The following ZNF638 variants were observed in gnomAD, a reference collection of about 807,000 sequenced individuals.
The protein encoded by ZNF638 is zinc finger protein 638.
In ZNF638, 46 loss-of-function variants were observed where a neutral mutation model predicts 195.6. That is an observed-to-expected ratio of 0.24 (90% CI 0.19 to 0.30). The LOEUF (loss-of-function observed/expected upper bound fraction) is 0.30. ZNF638 is among the 10% of genes least tolerant of loss of function. The pLI is 1.00. For synonymous variants in ZNF638, 845 were observed against 772.0 expected, an observed-to-expected ratio of 1.09 and a Z score of -1.57; for missense variants, 2,440 against 2,325.3, an observed-to-expected ratio of 1.05 and a Z score of -1.01.
At chr2:71,358,580 C>T (rs765272362) in intron 3 of ZNF638, among the ~76,000 whole-genome samples, 2 of 152,324 alleles carry the variant, frequency 1.3e-5, no homozygotes, top group African/African-American at 2.4e-5. Context: ...AGGGTTCTTT[C>T]GTTACACAGG....
chr2:71,418,926 C>G, intron 21 of ZNF638, among the ~76,000 whole-genome samples: 1 of 152,122 alleles, frequency 6.6e-6, no homozygotes, highest in East Asian at 1.9e-4. Context: ...TTTTAAGACT[C>G]TCGAATAACT....
At chr2:71,356,053 G>T (rs1427478293) in intron 3 of ZNF638, among the ~76,000 whole-genome samples, 1 of 152,096 alleles carries the variant, frequency 6.6e-6, no homozygotes, top group African/African-American at 2.4e-5. Flanking sequence ...CCTTCCCCAG[G>T]ATCTTTTATC....
At chr2:71,378,781 G>A (rs2079482449) in intron 8 of ZNF638, among the ~76,000 whole-genome samples, 1 of 152,154 alleles carries the variant, frequency 6.6e-6, no homozygotes, top group Non-Finnish European at 1.5e-5. Context: ...ATTTGAAGAA[G>A]ATGAGGGAAC....
Position 71,417,084 on chromosome 2 carries a change from C to T in ZNF638, c.3262-1518C>T, listed in dbSNP as rs1194909239. On this transcript the variant is annotated intron_variant, in intron 20 of 27. Coordinates refer to ENST00000264447, the MANE Select transcript of ZNF638 (RefSeq NM_014497.5). ...GGCGCCCCTCCCCCAGCCTCGTTGC[C>T]GCCTTGCAGTTTGATCTCAGAGTGC... Among the ~76,000 whole-genome samples the T allele has an allele frequency of 2.8e-3, 349 of 126,070 alleles. 3 individuals are homozygous for T. The highest frequency in any genetic ancestry group is 0.01 in the African/African-American group (335 of 32,720). 82.7% of individuals were successfully genotyped at this position (126,070 alleles called of 152,430 possible). A position where few individuals can be genotyped will look rare whatever the true frequency, so the allele number is the denominator to read the frequency against.
chr2:71,426,885 A>G lies in ZNF638; in HGVS notation c.5016A>G (p.Gln1672=), dbSNP rs1024613461. The G allele has an allele frequency of 6.2e-7, 1 of 1,614,206 alleles. No homozygotes were observed. Among genetic ancestry groups the G allele is most frequent in the Non-Finnish European group, 8.5e-7 (1 of 1,180,026 alleles). The change falls in exon 24 of 28, where the codon CAA becomes CAG. Residue 1672 remains glutamine, a synonymous_variant. Transcript: ENST00000264447. The stretch of plus-strand genomic sequence containing the variant: ...CTGTTCTGTCAGTGGCTGAAGAACA[A>G]GATCTCCTCAAACAGGAACGCTTGG... ...DVTVLSVAEE[Q]DLLKQERLVT... is the part of the protein sequence containing the mutation.
rs1171247553 is a variant in ZNF638 at position 71,395,406 on chromosome 2, A to G, written c.2378-735A>G. Reference sequence around the variant, plus strand: ...GGAAAAGTTATAAGGAGAGACGCAAACCTTCTTGGAAGTCCAGGAGGTTTT... The same window carrying G: ...GGAAAAGTTATAAGGAGAGACGCAAGCCTTCTTGGAAGTCCAGGAGGTTTT... On this transcript the variant is annotated intron_variant, in intron 10 of 27. Transcript: ENST00000264447. 3.2e-5 allele frequency: 21 copies of G among 661,018 alleles called. No homozygotes were observed. In the East Asian group the frequency reaches 5.5e-4, roughly 17 times the overall value. The allele number at this position is 661,018 out of a possible 1,614,324, so 40.9% of individuals were successfully genotyped here.
In ZNF638 at chr2:71,373,173, A is replaced by G. The variant is rs1190105917; in HGVS notation, c.2265+3168A>G. 4.6e-5 allele frequency among the ~76,000 whole-genome samples: 7 copies of G among 152,178 alleles called. No homozygotes were observed. The South Asian group carries it at 6.2e-4, about 14-fold the overall frequency. On this transcript the variant is annotated intron_variant, in intron 8 of 27. Coordinates refer to ENST00000264447, the MANE Select transcript of ZNF638 (RefSeq NM_014497.5). ...ATTTCTTCAGCTTTAAAAATTCGTT[A>G]TATAGAAAATGATATCTAGTTTTAA...
intron 1 of ZNF638, among the ~76,000 whole-genome samples, chr2:71,345,986 C>T (rs542564735): frequency 6.6e-5 from 10 of 152,154 alleles, no homozygotes; most frequent in East Asian, 1.9e-4. Flanking sequence ...TAAATGTGTA[C>T]TTGAATCATT....
intron 26 of ZNF638, among the ~76,000 whole-genome samples, chr2:71,432,942 C>T (rs2080696172): frequency 6.6e-6 from 1 of 152,162 alleles, no homozygotes; most frequent in Non-Finnish European, 1.5e-5. Context: ...ACAAAAGTAG[C>T]CAGGCGCGGT....
intron 8 of ZNF638, among the ~76,000 whole-genome samples, chr2:71,373,498 G>A (rs2079357538): frequency 7.7e-6 from 1 of 129,804 alleles, no homozygotes; most frequent in African/African-American, 3.0e-5. Flanking sequence ...AGGCTGGAGT[G>A]CAGTGGCACC....
At chr2:71,419,608 T>G (rs913265781) in intron 21 of ZNF638, among the ~76,000 whole-genome samples, 6 of 152,192 alleles carry the variant, frequency 3.9e-5, no homozygotes, top group African/African-American at 1.4e-4. Flanking sequence ...TTATTTAAGT[T>G]GTATGTCATA....
intron 19 of ZNF638, chr2:71,407,393 T>G (rs1007933185): frequency 6.6e-6 from 1 of 152,248 alleles, no homozygotes; most frequent in Non-Finnish European, 1.5e-5. Flanking sequence ...TTGCCTTGGC[T>G]TTACAACATT....
chr2:71,381,296 A>G (rs2079530516), intron 10 of ZNF638, among the ~76,000 whole-genome samples: 1 of 152,142 alleles, frequency 6.6e-6, no homozygotes, highest in African/African-American at 2.4e-5. Flanking sequence ...TGGTTTTTCT[A>G]ACTGGAATGA....
intron 17 of ZNF638, among the ~76,000 whole-genome samples, chr2:71,404,604 C>T (rs1238459605): frequency 6.6e-6 from 1 of 152,148 alleles, no homozygotes; most frequent in Non-Finnish European, 1.5e-5. Context: ...GTGGTCCCAG[C>T]TCCTCAGGAT....
At chr2:71,346,175 T>C (rs1173637346) in intron 1 of ZNF638, among the ~76,000 whole-genome samples, 1 of 152,216 alleles carries the variant, frequency 6.6e-6, no homozygotes, top group Non-Finnish European at 1.5e-5. Context: ...TTGAAAGAGC[T>C]TGTGCTTATG....
At chr2:71,418,498 G>GTTTT (rs72207075) in intron 20 of ZNF638, 104 bp from the exon 21 acceptor site, 159 of 640,514 alleles carry the variant, frequency 2.5e-4, no homozygotes, top group Admixed American at 2.4e-4. Context: ...CATTTTTAAG[G>GTTTT]TTTTTTTTTT....
At chr2:71,409,807 TTA>T (rs1229455949) in intron 20 of ZNF638, among the ~76,000 whole-genome samples, 4 of 152,218 alleles carry the variant, frequency 2.6e-5, no homozygotes, top group African/African-American at 9.6e-5. Flanking sequence ...TGTCGACCAA[TTA>T]TATACACCTT....
In ZNF638 at chr2:71,426,815, T is replaced by C; in HGVS notation, c.4946T>C (p.Ile1649Thr). 6.2e-7 allele frequency: 1 copy of C among 1,613,224 alleles called. No individual in the cohort carries two copies. Among genetic ancestry groups the C allele is most frequent in the Non-Finnish European group, 8.5e-7 (1 of 1,179,490 alleles). ...TCACTTTTTACATTAGATGAATTAA[T>C]TGACCAAGATGATTGCATTTCCCAC... Reference protein sequence around the residue: ...SNSLFTLDELIDQDDCISHSE... With the variant: ...SNSLFTLDELTDQDDCISHSE... Residue 1649 changes from isoleucine to threonine, a missense_variant, in exon 24 of 28, where the codon ATT (isoleucine) becomes ACT (threonine). This residue lies in a region of ZNF638 where 1,883 missense variants were observed against 1,739.1 expected (regional missense o/e 1.08). Coordinates refer to ENST00000264447, the MANE Select transcript of ZNF638 (RefSeq NM_014497.5).
chr2:71,408,094 AT>A, intron 19 of ZNF638, 27 bp from the exon 20 acceptor site: 1 of 1,597,580 alleles, frequency 6.3e-7, no homozygotes, highest in Non-Finnish European at 8.5e-7. Context: ...TTAAAGAACT[AT>A]TCATAACTTT....
Sources: allele counts gnomAD v4.1 joint callset (sites outside exome capture counted in the v4.1 genomes callset), GRCh38; gene constraint gnomAD v4.1.1; regional missense constraint gnomAD v4.1.1; transcripts MANE v1.5; gene names NCBI Gene and HGNC (gene_info 2026-07-23, HGNC 2026-07-21).